Variants in SSU72 observed in about 807,000 individuals in gnomAD.
SSU72 encodes SSU72 homolog, RNA polymerase II CTD phosphatase.
SSU72 carries 12 observed loss-of-function variants against 22.7 expected under a neutral mutation model. The observed-to-expected ratio is 0.53, with a 90% CI of 0.34 to 0.86. SSU72 has a LOEUF of 0.86. Among genes scored for constraint, SSU72 ranks in the 40% least tolerant of loss-of-function variants. The pLI is 0.02. For synonymous variants in SSU72, 116 were observed against 98.3 expected, an observed-to-expected ratio of 1.18 and a Z score of -1.06; for missense variants, 151 against 249.8, an observed-to-expected ratio of 0.60 and a Z score of 2.67.
intron 2 of SSU72, among the ~76,000 whole-genome samples, chr1:1,548,728 C>T (rs934341866): frequency 1.3e-5 from 2 of 152,178 alleles, no homozygotes; most frequent in Non-Finnish European, 2.9e-5. Flanking sequence ...ACCCACTCTG[C>T]GTCCTCCCAC....
At chr1:1,567,785 C>T (rs1448508681) in intron 1 of SSU72, among the ~76,000 whole-genome samples, 4 of 152,026 alleles carry the variant, frequency 2.6e-5, no homozygotes, top group Non-Finnish European at 4.4e-5. Flanking sequence ...TGGTGGCACA[C>T]GCCTGTAATC....
intron 2 of SSU72, chr1:1,545,267 C>CCCCCCG: frequency 2.3e-6 from 1 of 435,556 alleles, no homozygotes; most frequent in East Asian, 4.5e-5. Flanking sequence ...CCGCAGGACA[C>CCCCCCG]CCCCCGCCCC....
chr1:1,570,262 A>AC (rs1205812952), intron 1 of SSU72, among the ~76,000 whole-genome samples: 2 of 148,500 alleles, frequency 1.3e-5, no homozygotes, highest in Admixed American at 1.4e-4. Context: ...ACGCCACTGC[A>AC]CTCCAGCCTT....
chr1:1,541,905 T>C lies in SSU72; in HGVS notation c.*161A>G, dbSNP rs1329947593. 1.6e-6 allele frequency: 1 copy of C among 617,164 alleles called. No homozygotes were observed. The highest frequency in any genetic ancestry group is 2.8e-6 in the Non-Finnish European group (1 of 353,694). The allele number at this position is 617,164 out of a possible 1,614,324, so 38.2% of individuals were successfully genotyped here. A position where few individuals can be genotyped will look rare whatever the true frequency, so the allele number is the denominator to read the frequency against. On this transcript the variant is annotated 3_prime_UTR_variant, in exon 5 of 5. Coordinates refer to ENST00000291386, the MANE Select transcript of SSU72 (RefSeq NM_014188.3). ...TGGAAAAGAAGAAACTTGATTGCTTTCATCTGGCGTTTTGGCATCTCCTCT... is the reference window on the plus strand; with the variant it reads ...TGGAAAAGAAGAAACTTGATTGCTTCCATCTGGCGTTTTGGCATCTCCTCT...
intron 2 of SSU72, among the ~76,000 whole-genome samples, chr1:1,559,588 CTAT>C (rs1400441188): frequency 2.6e-4 from 39 of 152,170 alleles, no homozygotes; most frequent in South Asian, 6.2e-4. Flanking sequence ...TACACTACTA[CTAT>C]TATTACTACC....
In SSU72 at chr1:1,544,680, C is replaced by T. The variant is rs1379998046; in HGVS notation, c.364+183G>A. On this transcript the variant is annotated intron_variant, in intron 3 of 4. Transcript: ENST00000291386. ...CCCTTGAAGCCCATGAGGCTGCAGC[C>T]AGCACATGGGTGGTTCAGCGACCAG... The T allele has an allele frequency of 7.0e-6, 5 of 718,650 alleles. No homozygotes were observed. In the Admixed American group the frequency reaches 1.3e-4, roughly 18 times the overall value. 44.5% of individuals were successfully genotyped at this position (718,650 alleles called of 1,614,324 possible).
Position 1,567,372 on chromosome 1 carries a change from G to A in SSU72, c.81-2456C>T, listed in dbSNP as rs541988992. Among the ~76,000 whole-genome samples the A allele has an allele frequency of 1.2e-4, 19 of 152,210 alleles. No homozygotes were observed. In the South Asian group the frequency reaches 2.7e-3, roughly 22 times the overall value. ...GGCTCTCCAAACATCTACCACACAC[G>A]GCCAGAAATGTGGCACAATAGCAGC... On this transcript the variant is annotated intron_variant, in intron 1 of 4. Transcript: ENST00000291386.
intron 1 of SSU72, among the ~76,000 whole-genome samples, chr1:1,571,178 G>A (rs796147617): frequency 3.4e-4 from 51 of 149,992 alleles, no homozygotes; most frequent in African/African-American, 1.2e-3. Flanking sequence ...CCGGGAGGCG[G>A]AGGTTGCAGT....
intron 2 of SSU72, among the ~76,000 whole-genome samples, chr1:1,556,502 T>C (rs576146894): frequency 7.9e-5 from 12 of 152,146 alleles, no homozygotes; most frequent in Middle Eastern, 3.4e-3. Context: ...GACCACGCCA[T>C]TGCACTCCAG....
Position 1,564,967 on chromosome 1 carries a change from TC to T in SSU72, c.81-52del. On this transcript the variant is annotated intron_variant, in intron 1 of 4. Transcript: ENST00000291386. ...TCACAGTCACACTAAGACACAAAAT[TC>T]CAAAAGCAAGGGACAGCAAATGGGA... is the stretch of plus-strand genomic sequence containing the variant. 2.0e-6 allele frequency: 3 copies of T among 1,536,774 alleles called. No homozygotes were observed. In the South Asian group the frequency reaches 3.9e-5, roughly 20 times the overall value.
intron 2 of SSU72, among the ~76,000 whole-genome samples, chr1:1,555,264 G>A (rs1458399914): frequency 6.6e-6 from 1 of 152,234 alleles, no homozygotes; most frequent in Non-Finnish European, 1.5e-5. Flanking sequence ...ACCGACACAG[G>A]AGGCTCCGGT....
At chr1:1,565,242 G>A (rs566398840) in intron 1 of SSU72, among the ~76,000 whole-genome samples, 2 of 152,168 alleles carry the variant, frequency 1.3e-5, no homozygotes, top group South Asian at 4.2e-4. Context: ...GCGCGGTGGC[G>A]GGCACCTGTA....
intron 1 of SSU72, among the ~76,000 whole-genome samples, chr1:1,567,284 C>A (rs1438503098): frequency 2.0e-5 from 3 of 152,144 alleles, no homozygotes; most frequent in African/African-American, 7.2e-5. Flanking sequence ...CACCTGAGTC[C>A]CCTGAGGCTG....
At chr1:1,573,773 C>T (rs1642769340) in intron 1 of SSU72, among the ~76,000 whole-genome samples, 1 of 152,176 alleles carries the variant, frequency 6.6e-6, no homozygotes, top group Non-Finnish European at 1.5e-5. Flanking sequence ...TTTCAACTTT[C>T]TTACTATCAA....
intron 2 of SSU72, among the ~76,000 whole-genome samples, chr1:1,553,619 CAAAAA>C (rs59261076): frequency 2.9e-4 from 29 of 100,810 alleles, no homozygotes; most frequent in South Asian, 2.8e-3. Context: ...ACTAAAAATA[CAAAAA>C]AAAAAAAAAA....
At chr1:1,547,088 T>G (rs1465312462) in intron 2 of SSU72, among the ~76,000 whole-genome samples, 1 of 152,090 alleles carries the variant, frequency 6.6e-6, no homozygotes, top group Non-Finnish European at 1.5e-5. Context: ...TGCAGCCACA[T>G]GCAGAGGGGC....
At chr1:1,553,449 G>A (rs1557498676) in intron 2 of SSU72, among the ~76,000 whole-genome samples, 1 of 152,030 alleles carries the variant, frequency 6.6e-6, no homozygotes, top group Non-Finnish European at 1.5e-5. Flanking sequence ...TTGCTAACAT[G>A]GTGAAACCCG....
Position 1,567,912 on chromosome 1 carries a change from C to CAAAAAAAAAAAAA in SSU72, c.81-3009_81-2997dup, listed in dbSNP as rs71574349. Reference sequence around the variant, plus strand: ...TGGGAAACAGAGCGATACTCTGTTTCAAAAAAAAAAAAAAAAATCGCACAA... The same window carrying CAAAAAAAAAAAAA: ...TGGGAAACAGAGCGATACTCTGTTTCAAAAAAAAAAAAAAAAAAAAAAAAAAAAAATCGCACAA... On this transcript the variant is annotated intron_variant, in intron 1 of 4. Transcript: ENST00000291386. 4.1e-4 allele frequency among the ~76,000 whole-genome samples: 40 copies of CAAAAAAAAAAAAA among 98,356 alleles called. 4 individuals carry two copies. Among genetic ancestry groups the CAAAAAAAAAAAAA allele is most frequent in the African/African-American group, 1.7e-3 (40 of 23,866 alleles). The allele number at this position is 98,356 out of a possible 152,430, so 64.5% of individuals were successfully genotyped here. A position where few individuals can be genotyped will look rare whatever the true frequency, so the allele number is the denominator to read the frequency against.
intron 1 of SSU72, among the ~76,000 whole-genome samples, chr1:1,565,944 C>T (rs906534947): frequency 1.3e-5 from 2 of 151,998 alleles, no homozygotes; most frequent in Non-Finnish European, 2.9e-5. Flanking sequence ...AAGTTTGTCA[C>T]AACAAGTTAC....
Sources: allele counts gnomAD v4.1 joint callset (sites outside exome capture counted in the v4.1 genomes callset), GRCh38; gene constraint gnomAD v4.1.1; transcripts MANE v1.5; gene names NCBI Gene and HGNC (gene_info 2026-07-23, HGNC 2026-07-21).